The following PXDNL variants were observed in gnomAD, a reference collection of about 807,000 sequenced individuals.
The protein encoded by PXDNL is peroxidasin like, also known as probable oxidoreductase PXDNL.
PXDNL carries 145 observed loss-of-function variants against 150.8 expected under a neutral mutation model. That is an observed-to-expected ratio of 0.96 (90% CI 0.84 to 1.10). The LOEUF is 1.10. Ranked by LOEUF, PXDNL falls within the 50% of genes least tolerant of loss-of-function variation. PXDNL has a pLI of 0.00. For synonymous variants in PXDNL, 757 were observed against 725.7 expected, an observed-to-expected ratio of 1.04 and a Z score of -0.69; for missense variants, 2,087 against 1,873.9, an observed-to-expected ratio of 1.11 and a Z score of -2.10.
At chr8:51,365,084 G>T (rs1806872706) in intron 19 of PXDNL, among the ~76,000 whole-genome samples, 1 of 152,082 alleles carries the variant, frequency 6.6e-6, no homozygotes, top group Admixed American at 6.5e-5. Flanking sequence ...GGGATTACAG[G>T]CACCCACCAC....
chr8:51,596,910 T>A (rs1813582202), intron 2 of PXDNL, among the ~76,000 whole-genome samples: 2 of 152,216 alleles, frequency 1.3e-5, no homozygotes, highest in Admixed American at 1.3e-4. Context: ...TTTATTTTTA[T>A]TAGGGCCCAC....
chr8:51,472,446 T>A (rs1810365919), intron 7 of PXDNL, 142 bp from the exon 8 acceptor site: 1 of 593,674 alleles, frequency 1.7e-6, no homozygotes, highest in Admixed American at 2.9e-5. Flanking sequence ...CGGTAATACA[T>A]GTACCAGGTT....
intron 21 of PXDNL, among the ~76,000 whole-genome samples, chr8:51,324,807 T>G (rs1487835002): frequency 6.6e-6 from 1 of 152,254 alleles, no homozygotes; most frequent in Admixed American, 6.5e-5. Context: ...ATTACTTTGA[T>G]GAAAATTTTC....
intron 1 of PXDNL, among the ~76,000 whole-genome samples, chr8:51,730,090 C>A (rs1816889328): frequency 6.6e-6 from 1 of 152,134 alleles, no homozygotes; most frequent in Non-Finnish European, 1.5e-5. Context: ...CTAGAGTGTA[C>A]ACCAAGAGTG....
intron 1 of PXDNL, among the ~76,000 whole-genome samples, chr8:51,791,713 C>G (rs999871881): frequency 1.3e-5 from 2 of 152,218 alleles, no homozygotes; most frequent in Non-Finnish European, 2.9e-5. Flanking sequence ...GCTTCCCACT[C>G]TCTCTGGACA....
At chr8:51,519,327 G>C (rs1341110475) in intron 4 of PXDNL, among the ~76,000 whole-genome samples, 1 of 152,058 alleles carries the variant, frequency 6.6e-6, no homozygotes, top group Admixed American at 6.6e-5. Context: ...GATCACCTAA[G>C]GTCAGAAGTT....
In PXDNL at chr8:51,735,525, T is replaced by TG. The variant is rs1248488394; in HGVS notation, c.164+73655dup. 6.7e-3 allele frequency among the ~76,000 whole-genome samples: 315 copies of TG among 46,668 alleles called. 5 individuals are homozygous for TG. The highest frequency in any genetic ancestry group is 0.012 in the African/African-American group (297 of 24,338). The allele number at this position is 46,668 out of a possible 152,430, so 30.6% of individuals were successfully genotyped here. A position where few individuals can be genotyped will look rare whatever the true frequency, so the allele number is the denominator to read the frequency against. On this transcript the variant is annotated intron_variant, in intron 1 of 22. Transcript: ENST00000356297. The stretch of plus-strand genomic sequence containing the variant: ...TAAAATTAATTAATTAATTAAAAAT[T>TG]GTTTTTTTTTTTTTTTTTTTTTTTT...
At chr8:51,455,114 T>G in intron 9 of PXDNL, among the ~76,000 whole-genome samples, 1 of 474 alleles carries the variant, frequency 2.1e-3, no homozygotes, top group Non-Finnish European at 9.4e-3. Flanking sequence ...AGACTCCGTC[T>G]CAAAAAAAAA....
Position 51,630,173 on chromosome 8 carries a change from C to T in PXDNL, c.236+24516G>A, listed in dbSNP as rs554409359. Among the ~76,000 whole-genome samples the T allele has an allele frequency of 4.6e-5, 7 of 152,162 alleles. No individual in the cohort carries two copies. The East Asian group carries it at 1.4e-3, about 29-fold the overall frequency. On this transcript the variant is annotated intron_variant, in intron 2 of 22. Coordinates refer to ENST00000356297, the MANE Select transcript of PXDNL (RefSeq NM_144651.5). ...TGATCTTAGACAAAATTGACAAAAA[C>T]AAGCAGTGGGAAATTACTTCCTATT...
chr8:51,575,920 T>G (rs1430790670), intron 3 of PXDNL, among the ~76,000 whole-genome samples: 3 of 151,468 alleles, frequency 2.0e-5, no homozygotes, highest in African/African-American at 7.3e-5. Context: ...TGACTAAAGT[T>G]AGGGAAGAAT....
chr8:51,671,591 G>A (rs544263651), intron 1 of PXDNL, among the ~76,000 whole-genome samples: 12 of 152,204 alleles, frequency 7.9e-5, no homozygotes, highest in South Asian at 4.1e-4. Flanking sequence ...ACAGTAAACC[G>A]GAAGGAAAAC....
intron 2 of PXDNL, among the ~76,000 whole-genome samples, chr8:51,609,477 G>T (rs180772176): frequency 5.1e-4 from 77 of 152,284 alleles, no homozygotes; most frequent in South Asian, 2.3e-3. Flanking sequence ...GTTGGGAGGG[G>T]TGATGTCCTG....
chr8:51,371,729 C>T, intron 19 of PXDNL, 144 bp downstream of exon 19: 1 of 731,232 alleles, frequency 1.4e-6, no homozygotes, highest in Non-Finnish European at 2.3e-6. Context: ...CCTTCATCAT[C>T]TGTCAGATTT....
chr8:51,574,606 T>C (rs2130603041), intron 3 of PXDNL, among the ~76,000 whole-genome samples: 1 of 151,644 alleles, frequency 6.6e-6, no homozygotes, highest in African/African-American at 2.4e-5. Context: ...CTCAAAGAAA[T>C]CTAAATCAAG....
At chr8:51,768,697 G>C (rs1318990441) in intron 1 of PXDNL, among the ~76,000 whole-genome samples, 2 of 152,192 alleles carry the variant, frequency 1.3e-5, no homozygotes, top group Non-Finnish European at 2.9e-5. Flanking sequence ...TTTATATGCA[G>C]ATATGTGCAC....
intron 14 of PXDNL, among the ~76,000 whole-genome samples, chr8:51,422,942 C>T (rs1055984561): frequency 2.0e-5 from 3 of 152,138 alleles, no homozygotes; most frequent in African/African-American, 7.2e-5. Flanking sequence ...CTCCCATGTC[C>T]CTTGTGAACT....
intron 9 of PXDNL, among the ~76,000 whole-genome samples, chr8:51,454,418 T>C (rs1371863498): frequency 6.6e-6 from 1 of 152,144 alleles, no homozygotes; most frequent in Non-Finnish European, 1.5e-5. Context: ...CACACACACA[T>C]AGAAGCTATG....
intron 13 of PXDNL, among the ~76,000 whole-genome samples, chr8:51,425,282 GA>G (rs1809061074): frequency 6.6e-6 from 1 of 152,136 alleles, no homozygotes; most frequent in African/African-American, 2.4e-5. Flanking sequence ...AGCTGAAGAG[GA>G]CTGTTATGAA....
chr8:51,543,327 G>A (rs909604918), intron 4 of PXDNL, among the ~76,000 whole-genome samples: 1 of 152,144 alleles, frequency 6.6e-6, no homozygotes, highest in African/African-American at 2.4e-5. Context: ...GCAATATGTA[G>A]CAGTTTTATA....
Sources: gnomAD v4.1 joint callset for allele counts (sites outside exome capture counted in the v4.1 genomes callset) on GRCh38, gnomAD v4.1.1 for gene constraint, MANE v1.5 for transcripts, NCBI Gene and HGNC (gene_info 2026-07-23, HGNC 2026-07-21) for gene names.